CIBAR1: variants seen among roughly 807,000 people sequenced by gnomAD.
The protein encoded by CIBAR1 is CBY1-interacting BAR domain-containing protein 1.
A neutral mutation model predicts 44.0 loss-of-function variants in CIBAR1; 25 were observed. That is an observed-to-expected ratio of 0.57 (90% confidence interval 0.41 to 0.79). CIBAR1 has a LOEUF of 0.79. Among genes scored for constraint, CIBAR1 ranks in the 30% least tolerant of loss-of-function variants. The pLI, the probability that CIBAR1 is intolerant of heterozygous loss-of-function variation, is 0.00. For missense variants in CIBAR1, 278 were observed against 344.8 expected (o/e 0.81, Z 1.53); for synonymous variants, 115 against 119.0 (o/e 0.97, Z 0.22).
At chr8:93,721,908 G>A (rs1377711390) in intron 7 of CIBAR1, among the ~76,000 whole-genome samples, 1 of 152,162 alleles carries the variant, frequency 6.6e-6, no homozygotes, top group Non-Finnish European at 1.5e-5. Context: ...AGGGATGCAT[G>A]GGAGGATGCC....
In CIBAR1 at chr8:93,704,753, T is replaced by C. The variant is rs200543769; in HGVS notation, c.331-156T>C. ...ACATTCTCACATACATAGACACTAA[T>C]TATGTAATACTTGTAATTCCTGTGG... On this transcript the variant is annotated intron_variant, in intron 3 of 8. Transcript: ENST00000518322. Among the ~76,000 whole-genome samples the C allele has an allele frequency of 1.3e-3, 197 of 152,324 alleles. 1 individual carries two copies. The highest frequency in any genetic ancestry group is 3.9e-3 in the East Asian group (20 of 5,186).
At chr8:93,723,256 A>G (rs1180213047) in intron 7 of CIBAR1, among the ~76,000 whole-genome samples, 2 of 152,194 alleles carry the variant, frequency 1.3e-5, no homozygotes, top group East Asian at 3.9e-4. Flanking sequence ...TTGGCCTCCC[A>G]AAGTGCTGGG....
At chr8:93,707,607 T>G (rs2130302674) in intron 4 of CIBAR1, among the ~76,000 whole-genome samples, 1 of 152,194 alleles carries the variant, frequency 6.6e-6, no homozygotes, top group East Asian at 1.9e-4. Flanking sequence ...GTTAGAGATT[T>G]TTTCATAGTA....
intron 7 of CIBAR1, among the ~76,000 whole-genome samples, chr8:93,725,610 A>T (rs1462295461): frequency 6.8e-6 from 1 of 146,392 alleles, no homozygotes; most frequent in Admixed American, 6.8e-5. Context: ...TGAGATAACT[A>T]AAAAAAAAAA....
rs1224814134 is a variant in CIBAR1, at chr8:93,729,380, TAAG to T, written c.*1086_*1088del. On this transcript the variant is annotated 3_prime_UTR_variant, in exon 9 of 9. Coordinates refer to ENST00000518322, the MANE Select transcript of CIBAR1 (RefSeq NM_145269.5). The stretch of plus-strand genomic sequence containing the variant: ...TTTTAAAACCCTAAATTGATATTCT[TAAG>T]AAACTCAAGATATCATTGGATATTT... 1 of 152,146 alleles carries T rather than the reference TAAG, an allele frequency of 6.6e-6. No homozygotes were observed. The highest frequency in any genetic ancestry group is 1.5e-5 in the Non-Finnish European group (1 of 67,982). 9.4% of individuals were successfully genotyped at this position (152,146 alleles called of 1,614,324 possible). A position where few individuals can be genotyped will look rare whatever the true frequency, so the allele number is the denominator to read the frequency against.
intron 7 of CIBAR1, chr8:93,720,737 G>GGCAC (rs926488521): frequency 6.6e-6 from 1 of 152,194 alleles, no homozygotes; most frequent in Admixed American, 6.5e-5. Flanking sequence ...CAGGCTTGGT[G>GGCAC]GCACGCGCCT....
At position 93,728,350 on chromosome 8, in the gene CIBAR1, T is replaced by C; in HGVS notation, c.*53T>C. 1 of 1,185,686 alleles carries C rather than the reference T, an allele frequency of 8.4e-7. No homozygotes were observed. Among genetic ancestry groups the C allele is most frequent in the Non-Finnish European group, 1.2e-6 (1 of 824,482 alleles). The allele number at this position is 1,185,686 out of a possible 1,614,324, so 73.4% of individuals were successfully genotyped here. On this transcript the variant is annotated 3_prime_UTR_variant, in exon 9 of 9. Transcript: ENST00000518322. Reference sequence around the variant, plus strand: ...TGACTTGAAATCCACAATGACTAAATTGTAGAACTTTATACTCACTTTGCT... The same window carrying C: ...TGACTTGAAATCCACAATGACTAAACTGTAGAACTTTATACTCACTTTGCT...
intron 7 of CIBAR1, among the ~76,000 whole-genome samples, chr8:93,725,106 C>G (rs1811425643): frequency 6.6e-6 from 1 of 152,094 alleles, no homozygotes; most frequent in Non-Finnish European, 1.5e-5. Context: ...CGTCAGCCTC[C>G]CAAGTAGCTG....
intron 4 of CIBAR1, chr8:93,705,277 T>G (rs1810535901): frequency 2.4e-6 from 1 of 408,228 alleles, no homozygotes; most frequent in South Asian, 8.7e-5. Context: ...TAAATTCAAA[T>G]TTCTGAATTT....
At chr8:93,707,224 AAAG>A (rs1203775882) in intron 4 of CIBAR1, 5 of 432,376 alleles carry the variant, frequency 1.2e-5, no homozygotes, top group Non-Finnish European at 1.8e-5. Context: ...TTTTCAGTGA[AAAG>A]AAGAAATATT....
At chr8:93,704,443 T>A (rs991487564) in intron 3 of CIBAR1, among the ~76,000 whole-genome samples, 1 of 152,244 alleles carries the variant, frequency 6.6e-6, no homozygotes, top group African/African-American at 2.4e-5. Flanking sequence ...TATGAGAATC[T>A]GATGCTGCCT....
chr8:93,714,597 C>T (rs1291678981), intron 6 of CIBAR1, among the ~76,000 whole-genome samples: 1 of 152,024 alleles, frequency 6.6e-6, no homozygotes, highest in Non-Finnish European at 1.5e-5. Flanking sequence ...GTAGAAATCT[C>T]ACAACAGTAG....
At chr8:93,701,980 T>C (rs1399633787) in intron 2 of CIBAR1, 1 of 219,914 alleles carries the variant, frequency 4.5e-6, no homozygotes, top group African/African-American at 2.3e-5. Flanking sequence ...TGAGACACCG[T>C]GTGGACTTTT....
At chr8:93,727,161 C>G in intron 8 of CIBAR1, 1 of 1,288,650 alleles carries the variant, frequency 7.8e-7, no homozygotes, top group Non-Finnish European at 1.0e-6. Context: ...TTGCCAAACC[C>G]TGATCTAGAG....
chr8:93,704,415 C>T (rs1238685036), intron 3 of CIBAR1, among the ~76,000 whole-genome samples: 1 of 152,140 alleles, frequency 6.6e-6, no homozygotes, highest in East Asian at 1.9e-4. Flanking sequence ...CTTTAGTTCA[C>T]AATAGGGTTT....
rs2130381059 is a variant in CIBAR1 at position 93,724,909 on chromosome 8, G to A, written c.658-1485G>A. Among the ~76,000 whole-genome samples the A allele has an allele frequency of 1.3e-5, 2 of 152,308 alleles. 1 individual carries two copies. On this transcript the variant is annotated intron_variant, in intron 7 of 8. Transcript: ENST00000518322. ...GGAGATAGTTGGGAGCATGAATACAGCTATCACAGGGTATGCTTGTCAGGG... is the reference window on the plus strand; with the variant it reads ...GGAGATAGTTGGGAGCATGAATACAACTATCACAGGGTATGCTTGTCAGGG...
chr8:93,728,000 AT>A (rs1051805651), intron 8 of CIBAR1, among the ~76,000 whole-genome samples: 1 of 151,994 alleles, frequency 6.6e-6, no homozygotes, highest in Non-Finnish European at 1.5e-5. Context: ...CTAATTACAC[AT>A]TTTTATTCAA....
Position 93,704,985 on chromosome 8 carries a change from G to A in CIBAR1, c.407G>A (p.Arg136Gln), listed in dbSNP as rs199997776. 3.7e-4 allele frequency: 598 copies of A among 1,612,614 alleles called. 1 individual carries two copies. Among genetic ancestry groups the A allele is most frequent in the Non-Finnish European group, 4.7e-4 (555 of 1,179,156 alleles). The change falls in exon 4 of 9, where the codon CGA becomes CAA. Residue 136 changes from arginine (R) to glutamine (Q), a missense_variant. Around this residue, in one of 3 missense-constraint regions of CIBAR1, gnomAD observed 183 missense variants for 218.6 expected, o/e 0.84. Transcript: ENST00000518322. ...ACTCAGTTAGAAAGAACACGTCAGC[G>A]AAACCCATCTGATCGACATGTTATT... Reference protein sequence around the residue: ...QLTQLERTRQRNPSDRHVISQ... With the variant: ...QLTQLERTRQQNPSDRHVISQ...
intron 2 of CIBAR1, chr8:93,702,413 A>T (rs1810400183): frequency 7.0e-5 from 28 of 397,440 alleles, no homozygotes; most frequent in South Asian, 5.2e-4. Context: ...TTAGCCAATA[A>T]TTTCAATGCC....
Sources: gnomAD v4.1 joint callset for allele counts (sites outside exome capture counted in the v4.1 genomes callset) on GRCh38, gnomAD v4.1.1 for gene constraint, gnomAD v4.1.1 regional missense constraint, MANE v1.5 for transcripts, NCBI Gene and HGNC (gene_info 2026-07-23, HGNC 2026-07-21) for gene names.